Variants in NOP9 observed in about 807,000 individuals in gnomAD.
NOP9 encodes the protein NOP9 nucleolar protein.
A neutral mutation model predicts 63.0 loss-of-function variants in NOP9; 50 were observed. The observed-to-expected ratio is 0.79, with a 90% confidence interval of 0.63 to 1.00. The LOEUF (loss-of-function observed/expected upper bound fraction) is 1.00, where lower values mean the gene tolerates loss of function less well. NOP9 is among the 50% of genes least tolerant of loss of function. The pLI is 0.00. For synonymous variants in NOP9, 343 were observed against 332.8 expected, an observed-to-expected ratio of 1.03 and a Z score of -0.33; for missense variants, 758 against 803.0, an observed-to-expected ratio of 0.94 and a Z score of 0.68.
Position 24,307,006 on chromosome 14 carries a change from T to C in NOP9, c.*1911T>C, listed in dbSNP as rs2041532368. The C allele has an allele frequency of 4.0e-6, 1 of 247,130 alleles. No individual in the cohort carries two copies. Among genetic ancestry groups the C allele is most frequent in the East Asian group, 8.9e-5 (1 of 11,198 alleles). 15.3% of individuals were successfully genotyped at this position (247,130 alleles called of 1,614,324 possible). A position where few individuals can be genotyped will look rare whatever the true frequency, so the allele number is the denominator to read the frequency against. On this transcript the variant is annotated 3_prime_UTR_variant, in exon 10 of 10. Transcript: ENST00000267425. ...GGAGGTGATGTATTATTATTGCCTT[T>C]TTATAGTTGAAGAAACTGAGGTTTT... is the stretch of plus-strand genomic sequence containing the variant.
At chr14:24,273,983 G>A in the NOP9 span, among the ~76,000 whole-genome samples, 1 of 152,358 alleles carries the variant, frequency 6.6e-6, no homozygotes, top group Admixed American at 6.5e-5. Context: ...TTAGAATAGT[G>A]TCTGTACTAA....
At position 24,304,179 on chromosome 14, in the gene NOP9, C is replaced by G; in HGVS notation, c.1549C>G (p.Leu517Val). The change falls in exon 8 of 10, where the codon CTT becomes GTT. Residue 517 changes from leucine to valine, a missense_variant. Physicochemically the swap from Leu to Val is conservative, Grantham distance 32 (BLOSUM62 1). Transcript: ENST00000267425. ...GALTGPQLLS[L>V]AQSPAGSHVL... is the part of the protein sequence containing the mutation. The stretch of plus-strand genomic sequence containing the variant: ...CTTGACGGGACCACAGCTTCTGTCC[C>G]TTGCCCAAAGTCCCGCTGGCTCTCA... 1 of 1,614,252 alleles carries G rather than the reference C, an allele frequency of 6.2e-7. No homozygotes were observed. Among genetic ancestry groups the G allele is most frequent in the African/African-American group, 1.3e-5 (1 of 75,072 alleles).
Position 24,305,086 on chromosome 14 carries a change from T to TG in NOP9, c.1903dup (p.Glu635GlyfsTer35). 6.5e-7 allele frequency: 1 copy of TG among 1,532,666 alleles called. No homozygotes were observed. Among genetic ancestry groups the TG allele is most frequent in the Non-Finnish European group, 8.8e-7 (1 of 1,136,910 alleles). 94.9% of individuals were successfully genotyped at this position (1,532,666 alleles called of 1,614,324 possible). ...GGAGGCGGGCATTGAACTCCATACT[T>TG]GAAGACTGAGGCTTTGGATCTGGGA... On this transcript the variant is annotated frameshift_variant, in exon 10 of 10. Transcript: ENST00000267425. LOFTEE classifies it high-confidence loss of function.
chr14:24,276,740 G>C, the NOP9 span, among the ~76,000 whole-genome samples: 1 of 152,228 alleles, frequency 6.6e-6, no homozygotes, highest in Non-Finnish European at 1.5e-5. Context: ...AGAAGAACTT[G>C]TTTTAGATCT....
chr14:24,290,714 G>T, the NOP9 span: 1 of 1,051,448 alleles, frequency 9.5e-7, no homozygotes, highest in Non-Finnish European at 1.4e-6. Flanking sequence ...GCGCACCCCA[G>T]AACTCACCAC....
At chr14:24,295,377 G>A (rs542936556), upstream of NOP9, among the ~76,000 whole-genome samples, 6 of 152,298 alleles carry the variant, frequency 3.9e-5, no homozygotes, top group Non-Finnish European at 5.9e-5. Flanking sequence ...CATAGGGAAA[G>A]AATTAGGACC....
chr14:24,292,219 T>C, the NOP9 span: 2 of 1,614,094 alleles, frequency 1.2e-6, no homozygotes, highest in East Asian at 4.5e-5. Context: ...ACCTCCTCCT[T>C]TGCCATATGC....
chr14:24,297,930 C>T (rs1843235678), upstream of NOP9, among the ~76,000 whole-genome samples: 1 of 152,202 alleles, frequency 6.6e-6, no homozygotes, highest in Non-Finnish European at 1.5e-5. Context: ...CTGGATGCTC[C>T]CCAACACCCC....
chr14:24,277,357 T>A, the NOP9 span, among the ~76,000 whole-genome samples: 1 of 152,050 alleles, frequency 6.6e-6, no homozygotes, highest in African/African-American at 2.4e-5. Flanking sequence ...GAAGTCAGCG[T>A]GGGCGTCAGG....
the NOP9 span, chr14:24,271,372 C>T: frequency 2.5e-6 from 1 of 393,266 alleles, no homozygotes; most frequent in Non-Finnish European, 4.5e-6. Flanking sequence ...TTCGCCCGGG[C>T]CAGAGCGCGA....
intron 5 of NOP9, 97 bp from the exon 6 acceptor site, chr14:24,302,977 T>G (rs2041403228): frequency 7.3e-7 from 1 of 1,371,196 alleles, no homozygotes; most frequent in African/African-American, 1.5e-5. Flanking sequence ...TTATGTTTTA[T>G]CTAGCATTTT....
chr14:24,304,410 T>C lies in NOP9; in HGVS notation c.1648-83T>C, dbSNP rs553137574. 6.5e-6 allele frequency: 9 copies of C among 1,377,478 alleles called. No homozygotes were observed. The East Asian group carries it at 1.6e-4, about 25-fold the overall frequency. The allele number at this position is 1,377,478 out of a possible 1,614,324, so 85.3% of individuals were successfully genotyped here. On this transcript the variant is annotated intron_variant, in intron 8 of 9. Coordinates refer to ENST00000267425, the MANE Select transcript of NOP9 (RefSeq NM_174913.3). ...CTATTTTAATTCAGCCCTTAAACTC[T>C]TCAGAAAATTCACTCTCCACAAGCC...
chr14:24,272,174 T>A, the NOP9 span, among the ~76,000 whole-genome samples: 1 of 152,270 alleles, frequency 6.6e-6, no homozygotes, highest in Non-Finnish European at 1.5e-5. Context: ...ACACTTTCTC[T>A]GGGTGAGTTC....
Position 24,305,702 on chromosome 14 carries a change from G to A in NOP9, c.*607G>A, listed in dbSNP as rs760997411. 9 of 1,614,182 alleles carry A rather than the reference G, an allele frequency of 5.6e-6. No individual in the cohort carries two copies. In the East Asian group the frequency reaches 1.3e-4, roughly 24 times the overall value. On this transcript the variant is annotated 3_prime_UTR_variant, in exon 10 of 10. Coordinates refer to ENST00000267425, the MANE Select transcript of NOP9 (RefSeq NM_174913.3). ...CCTCCACTGCATGACGAAGGGTGGA[G>A]GAAATTCCCAGCAACATATGGCCCA...
In NOP9 at chr14:24,307,851, T is replaced by TA; in HGVS notation, c.*2757dup. The TA allele has an allele frequency of 1.3e-6, 2 of 1,593,032 alleles. No individual in the cohort carries two copies. Reference sequence around the variant, plus strand: ...GTCACTGGGGTTCAGAGCTGAGAGGTACTCCATGGTGGACCGGAGAGTTCC... The same window carrying TA: ...GTCACTGGGGTTCAGAGCTGAGAGGTAACTCCATGGTGGACCGGAGAGTTCC... On this transcript the variant is annotated 3_prime_UTR_variant, in exon 10 of 10. Coordinates refer to ENST00000267425, the MANE Select transcript of NOP9 (RefSeq NM_174913.3).
At chr14:24,281,979 G>A in the NOP9 span, among the ~76,000 whole-genome samples, 1 of 152,198 alleles carries the variant, frequency 6.6e-6, no homozygotes, top group Admixed American at 6.5e-5. Context: ...AGGCCAAGGC[G>A]GGCGGATCAC....
At position 24,307,537 on chromosome 14, in the gene NOP9, C is replaced by G; in HGVS notation, c.*2442C>G. ...TGACCTGGTAGTTGAGAAGAAAAGT[C>G]AAGAAGGGGCGAGGAGGGGCTTGGT... is the stretch of plus-strand genomic sequence containing the variant. On this transcript the variant is annotated 3_prime_UTR_variant, in exon 10 of 10. Transcript: ENST00000267425. 6.2e-7 allele frequency: 1 copy of G among 1,609,064 alleles called. No individual in the cohort carries two copies. Among genetic ancestry groups the G allele is most frequent in the Non-Finnish European group, 8.5e-7 (1 of 1,176,994 alleles).
the NOP9 span, among the ~76,000 whole-genome samples, chr14:24,276,119 G>A: frequency 9.9e-5 from 15 of 151,966 alleles, no homozygotes; most frequent in East Asian, 1.9e-4. Context: ...CTGTAGTGCT[G>A]TAGTCCCAGC....
In NOP9 at chr14:24,306,909, T is replaced by C. The variant is rs2041528549; in HGVS notation, c.*1814T>C. The C allele has an allele frequency of 3.4e-6, 1 of 290,874 alleles. No individual in the cohort carries two copies. 18.0% of individuals were successfully genotyped at this position (290,874 alleles called of 1,614,324 possible). ...GTTTTCAGTAATAGTGTTTAACCTT[T>C]TTGAGTCCTTACTCTGTGCCAGGTA... On this transcript the variant is annotated 3_prime_UTR_variant, in exon 10 of 10. Coordinates refer to ENST00000267425, the MANE Select transcript of NOP9 (RefSeq NM_174913.3).
Sources: gnomAD v4.1 joint callset for allele counts (sites outside exome capture counted in the v4.1 genomes callset) on GRCh38, gnomAD v4.1.1 for gene constraint, MANE v1.5 for transcripts, NCBI Gene and HGNC (gene_info 2026-07-23, HGNC 2026-07-21) for gene names.